The following SNX31 variants were observed in gnomAD, a reference collection of about 807,000 sequenced individuals.
The protein encoded by SNX31 is sorting nexin 31, also known as sorting nexin-31.
SNX31 carries 58 observed loss-of-function variants against 65.4 expected under a neutral mutation model. The observed-to-expected ratio is 0.89, with a 90% CI of 0.72 to 1.10. The LOEUF (loss-of-function observed/expected upper bound fraction) is 1.10, where lower values mean the gene tolerates loss of function less well. Ranked by LOEUF, SNX31 falls within the 50% of genes least tolerant of loss-of-function variation. The pLI, the probability that SNX31 is intolerant of heterozygous loss-of-function variation, is 0.00. For synonymous variants in SNX31, 181 were observed against 190.1 expected (o/e 0.95, Z 0.39); for missense variants, 523 against 529.7 (o/e 0.99, Z 0.12).
upstream of SNX31, among the ~76,000 whole-genome samples, chr8:100,649,964 T>C (rs1389964988): frequency 1.3e-5 from 2 of 152,262 alleles, no homozygotes; most frequent in Non-Finnish European, 2.9e-5. Flanking sequence ...TTTTTTGTAC[T>C]GACATTTGTT....
rs185283733 is a variant in SNX31 at position 100,624,589 on chromosome 8, C to T, written c.321+5738G>A. On this transcript the variant is annotated intron_variant, in intron 4 of 13. Coordinates refer to ENST00000311812, the MANE Select transcript of SNX31 (RefSeq NM_152628.4). ...TCAAAAGATCTTGGTGTGATGAGAC[C>T]AAAGCAAGCACAAAACAGATCAAAC... 2.6e-5 allele frequency among the ~76,000 whole-genome samples: 4 copies of T among 151,934 alleles called. No individual in the cohort carries two copies. In the East Asian group the frequency reaches 7.7e-4, roughly 29 times the overall value.
rs1819863391 is a variant in SNX31, at chr8:100,649,273, C to T, written c.141+1G>A. ...CTCGTACCCGCCTCCAATCTGCTCA[C>T]CTGTTCGTTCCAACCGTGCAGCTGG... On this transcript the variant is annotated splice_donor_variant, in intron 2 of 13. Coordinates refer to ENST00000311812, the MANE Select transcript of SNX31 (RefSeq NM_152628.4). LOFTEE classifies it high-confidence loss of function. 1 of 1,613,900 alleles carries T rather than the reference C, an allele frequency of 6.2e-7. No individual in the cohort carries two copies. Among genetic ancestry groups the T allele is most frequent in the Non-Finnish European group, 8.5e-7 (1 of 1,179,892 alleles).
rs758491917 is a variant in SNX31, at chr8:100,649,471, TCGGAC to T, written c.39_43del (p.Ser14ArgfsTer58). The T allele has an allele frequency of 6.9e-7, 1 of 1,441,120 alleles. No individual in the cohort carries two copies. The highest frequency in any genetic ancestry group is 9.3e-7 in the Non-Finnish European group (1 of 1,078,138). 89.3% of individuals were successfully genotyped at this position (1,441,120 alleles called of 1,614,324 possible). A position where few individuals can be genotyped will look rare whatever the true frequency, so the allele number is the denominator to read the frequency against. On this transcript the variant is annotated frameshift_variant, in exon 1 of 14. Transcript: ENST00000311812. LOFTEE classifies it high-confidence loss of function. Reference sequence around the variant, plus strand: ...CACCACGTAGCGGCCCCCCAGCGCGTCGGACCGCTGCTGGGACACCGGGATACAGA... The same window carrying T: ...CACCACGTAGCGGCCCCCCAGCGCGTCGCTGCTGGGACACCGGGATACAGA...
intron 2 of SNX31, among the ~76,000 whole-genome samples, chr8:100,642,436 T>C (rs1819324816): frequency 6.6e-6 from 1 of 152,222 alleles, no homozygotes; most frequent in South Asian, 2.1e-4. Flanking sequence ...CAAGACAGTA[T>C]CTTGGGGAAG....
chr8:100,649,650 CCGGCCG>C lies in SNX31; in HGVS notation c.-142_-137del. ...GAGCGAACCCCGGCGCCCGCTCTCGCCGGCCGGGGACATCTACAGGTGGGGCCGGGG... is the reference window on the plus strand; with the variant it reads ...GAGCGAACCCCGGCGCCCGCTCTCGCGGGACATCTACAGGTGGGGCCGGGG... On this transcript the variant is annotated 5_prime_UTR_variant, in exon 1 of 14. Coordinates refer to ENST00000311812, the MANE Select transcript of SNX31 (RefSeq NM_152628.4). The C allele has an allele frequency of 1.2e-6, 1 of 824,656 alleles. No individual in the cohort carries two copies. The highest frequency in any genetic ancestry group is 1.8e-6 in the Non-Finnish European group (1 of 544,872). 51.1% of individuals were successfully genotyped at this position (824,656 alleles called of 1,614,324 possible).
upstream of SNX31, among the ~76,000 whole-genome samples, chr8:100,650,396 A>G (rs970935245): frequency 2.6e-5 from 4 of 152,120 alleles, no homozygotes; most frequent in Non-Finnish European, 5.9e-5. Flanking sequence ...AGGACATCCT[A>G]CCACGGACAA....
rs373460676 is a variant in SNX31, at chr8:100,618,074, A to AT, written c.322-345dup. The AT allele has an allele frequency of 1.4e-5, 14 of 985,216 alleles. No individual in the cohort carries two copies. The African/African-American group carries it at 1.9e-4, about 14-fold the overall frequency. The allele number at this position is 985,216 out of a possible 1,614,324, so 61.0% of individuals were successfully genotyped here. ...AGCCACCACGCCCGGCCTCCACACC[A>AT]TTTTTTAAAGCTGCACCATTGCAGC... is the stretch of plus-strand genomic sequence containing the variant. On this transcript the variant is annotated intron_variant, in intron 4 of 13. Coordinates refer to ENST00000311812, the MANE Select transcript of SNX31 (RefSeq NM_152628.4).
Position 100,630,512 on chromosome 8 carries a change from A to C in SNX31, c.257-121T>G. The C allele has an allele frequency of 2.6e-6, 2 of 776,956 alleles. No individual in the cohort carries two copies. The highest frequency in any genetic ancestry group is 4.0e-6 in the Non-Finnish European group (2 of 495,514). The allele number at this position is 776,956 out of a possible 1,614,324, so 48.1% of individuals were successfully genotyped here. A position where few individuals can be genotyped will look rare whatever the true frequency, so the allele number is the denominator to read the frequency against. ...AGTGCTCTGTCTCCTCCCTGAAGTGATAAATGTTGAAACCTCTCAAATACA... is the reference window on the plus strand; with the variant it reads ...AGTGCTCTGTCTCCTCCCTGAAGTGCTAAATGTTGAAACCTCTCAAATACA... On this transcript the variant is annotated intron_variant, in intron 3 of 13. Coordinates refer to ENST00000311812, the MANE Select transcript of SNX31 (RefSeq NM_152628.4). The surrounding 1 kb of genome is among the most constrained non-coding windows in gnomAD (Gnocchi z 5.3).
At chr8:100,601,346 G>A (rs1282018955) in intron 8 of SNX31, among the ~76,000 whole-genome samples, 1 of 152,124 alleles carries the variant, frequency 6.6e-6, no homozygotes, top group African/African-American at 2.4e-5. Context: ...TGTGTGTAAT[G>A]TTCATGAAAA....
chr8:100,597,482 A>C (rs1050787885), intron 9 of SNX31, among the ~76,000 whole-genome samples: 1 of 152,186 alleles, frequency 6.6e-6, no homozygotes, highest in Non-Finnish European at 1.5e-5. Flanking sequence ...CCTTGTCGTG[A>C]TCCACCTGCC....
At position 100,622,003 on chromosome 8, in the gene SNX31, G is replaced by A. The variant is rs1817732255; in HGVS notation, c.322-4273C>T. ...GAAGAGCAGGGTTTGGGGTAGAGGT[G>A]AGAAGTGGGAGGCAGCCAACCTTCC... On this transcript the variant is annotated intron_variant, in intron 4 of 13. Coordinates refer to ENST00000311812, the MANE Select transcript of SNX31 (RefSeq NM_152628.4). The surrounding 1 kb of genome is among the most constrained non-coding windows in gnomAD (Gnocchi z 5.0). Among the ~76,000 whole-genome samples, 1 of 152,252 alleles carries A rather than the reference G, an allele frequency of 6.6e-6. No individual in the cohort carries two copies. Among genetic ancestry groups the A allele is most frequent in the African/African-American group, 2.4e-5 (1 of 41,474 alleles).
intron 11 of SNX31, among the ~76,000 whole-genome samples, chr8:100,586,109 T>C (rs1376549396): frequency 6.6e-6 from 1 of 152,140 alleles, no homozygotes; most frequent in African/African-American, 2.4e-5. Flanking sequence ...TTGGTAGAGA[T>C]GGTGTTTCAC....
chr8:100,626,480 C>T lies in SNX31; in HGVS notation c.321+3847G>A, dbSNP rs1035251738. On this transcript the variant is annotated intron_variant, in intron 4 of 13. Transcript: ENST00000311812. This position sits in a 1 kb window ranked among gnomAD's most constrained non-coding sequence, Gnocchi z 4.4. ...TGATATGAGGAGCTGGGGTTTAAAG[C>T]TTTGCTGCTAGACAGTCTGATTAGG... Among the ~76,000 whole-genome samples, 1 of 152,182 alleles carries T rather than the reference C, an allele frequency of 6.6e-6. No individual in the cohort carries two copies. Among genetic ancestry groups the T allele is most frequent in the Admixed American group, 6.5e-5 (1 of 15,276 alleles).
chr8:100,647,880 CCT>C lies in SNX31; in HGVS notation c.141+1392_141+1393del, dbSNP rs140363582. On this transcript the variant is annotated intron_variant, in intron 2 of 13. Coordinates refer to ENST00000311812, the MANE Select transcript of SNX31 (RefSeq NM_152628.4). ...CCTTTGAGATCCCTGCCTCTGCAGT[CCT>C]CACAATTCCCCATGTGTTTCAGTCA... 3.3e-5 allele frequency among the ~76,000 whole-genome samples: 5 copies of C among 152,326 alleles called. No homozygotes were observed. In the East Asian group the frequency reaches 9.6e-4, roughly 29 times the overall value.
In SNX31 at chr8:100,610,198, G is replaced by A. The variant is rs145658126; in HGVS notation, c.612-1635C>T. On this transcript the variant is annotated intron_variant, in intron 7 of 13. Coordinates refer to ENST00000311812, the MANE Select transcript of SNX31 (RefSeq NM_152628.4). The surrounding 1 kb of genome is among the most constrained non-coding windows in gnomAD (Gnocchi z 4.0). ...TGCTGGCTAATAATTTGGGGTAGAC[G>A]TTTTCTCTTGCACGTATCATCTAGA... Among the ~76,000 whole-genome samples the A allele has an allele frequency of 1.2e-3, 186 of 152,270 alleles. No homozygotes were observed. The highest frequency in any genetic ancestry group is 2.1e-3 in the Non-Finnish European group (143 of 68,008).
rs2022923 is a variant in SNX31 at position 100,573,905 on chromosome 8, T to C, written c.1283A>G (p.Asp428Gly). The C allele has an allele frequency of 0.42, 663,765 of 1,577,750 alleles. 142,211 individuals carry two copies. The highest frequency in any genetic ancestry group is 0.53 in the African/African-American group (38,959 of 73,234). The part of the protein sequence containing the change: ...SRKSKIKIAK[D>G]DCVFGNIKEE... ...CTTTATGTTCCCAAAAACGCAGTCATCTTTAGCTATCTTAATCTTGCTTTT... is the reference window on the plus strand; with the variant it reads ...CTTTATGTTCCCAAAAACGCAGTCACCTTTAGCTATCTTAATCTTGCTTTT... Residue 428 changes from aspartate to glycine, a missense_variant, in exon 14 of 14, where the codon GAT (aspartate) becomes GGT (glycine). By Grantham distance (94) the Asp-to-Gly change is moderately conservative (BLOSUM62 -1). Transcript: ENST00000311812.
intron 8 of SNX31, among the ~76,000 whole-genome samples, chr8:100,602,235 A>G (rs1399518667): frequency 6.6e-6 from 1 of 152,198 alleles, no homozygotes; most frequent in Non-Finnish European, 1.5e-5. Flanking sequence ...CCTCAGTGAT[A>G]TTGGCAGGCT....
At position 100,592,928 on chromosome 8, in the gene SNX31, C is replaced by T. The variant is rs550171698; in HGVS notation, c.978+3711G>A. ...TCGGAGTTAGCTCAAGCGGTTACCT[C>T]CTCATGCCGGACTTTCTATGTGTCC... On this transcript the variant is annotated intron_variant, in intron 10 of 13. Transcript: ENST00000311812. Among the ~76,000 whole-genome samples the T allele has an allele frequency of 1.7e-4, 26 of 152,284 alleles. No homozygotes were observed. In the South Asian group the frequency reaches 2.5e-3, roughly 15 times the overall value.
rs906566589 is a variant in SNX31 at position 100,578,311 on chromosome 8, T to C, written c.1171-1236A>G. ...CTGCTATGTGCGTTAGGTACATAAC[T>C]CAAGCAAGTTGCAGTATTTATTTAC... is the stretch of plus-strand genomic sequence containing the variant. On this transcript the variant is annotated intron_variant, in intron 12 of 13. Transcript: ENST00000311812. The surrounding 1 kb of genome is among the most constrained non-coding windows in gnomAD (Gnocchi z 4.7). Among the ~76,000 whole-genome samples the C allele has an allele frequency of 3.3e-5, 5 of 152,328 alleles. No homozygotes were observed. The highest frequency in any genetic ancestry group is 1.2e-4 in the African/African-American group (5 of 41,572).
Sources: gnomAD v4.1 joint callset for allele counts (sites outside exome capture counted in the v4.1 genomes callset) on GRCh38, gnomAD v4.1.1 for gene constraint, Gnocchi (gnomAD v3.1) non-coding constraint, MANE v1.5 for transcripts, NCBI Gene and HGNC (gene_info 2026-07-23, HGNC 2026-07-21) for gene names.